SCEL: variants seen among roughly 807,000 people sequenced by gnomAD.
The protein encoded by SCEL is sciellin.
Under a neutral mutation model 117.6 loss-of-function variants are expected in SCEL, and 113 were observed. That is an observed-to-expected ratio of 0.96 (90% CI 0.83 to 1.12). The LOEUF (loss-of-function observed/expected upper bound fraction) is 1.12. Ranked by LOEUF, SCEL falls within the 50% of genes most tolerant of loss-of-function variation. The pLI is 0.00. For missense variants in SCEL, 785 were observed against 810.8 expected, an observed-to-expected ratio of 0.97 and a Z score of 0.39; for synonymous variants, 270 against 256.2, an observed-to-expected ratio of 1.05 and a Z score of -0.51.
Position 77,563,828 on chromosome 13 carries a change from C to T in SCEL, c.222-3C>T, listed in dbSNP as rs547327136. 45 of 1,566,292 alleles carry T rather than the reference C, an allele frequency of 2.9e-5. 2 individuals are homozygous for T. The Middle Eastern group carries it at 8.5e-4, about 30-fold the overall frequency. On this transcript the variant is annotated splice_region_variant and splice_polypyrimidine_tract_variant and intron_variant, in intron 4 of 32. Coordinates refer to ENST00000349847, the MANE Select transcript of SCEL (RefSeq NM_144777.3). ...TTTTTTTTGGTAATTATGTTTGCTA[C>T]AGGAAAGTAAATGAGAGAGATGTGC...
At chr13:77,538,301 T>C (rs1747585433) in intron 1 of SCEL, among the ~76,000 whole-genome samples, 1 of 151,980 alleles carries the variant, frequency 6.6e-6, no homozygotes, top group Admixed American at 6.6e-5. Context: ...ATTTTTAGTA[T>C]AGACGGGGTT....
chr13:77,549,944 G>A (rs111468100), intron 1 of SCEL, among the ~76,000 whole-genome samples: 9 of 151,786 alleles, frequency 5.9e-5, no homozygotes, highest in African/African-American at 1.2e-4. Context: ...TGGCAAAACC[G>A]CACGGGCCAT....
rs986640970 is a variant in SCEL, at chr13:77,625,420, G to A, written c.1629-2527G>A. On this transcript the variant is annotated intron_variant, in intron 27 of 32. Coordinates refer to ENST00000349847, the MANE Select transcript of SCEL (RefSeq NM_144777.3). ...GCAGGATTTATGCTGGGAGATTATC[G>A]TACTCAGTTCTTGCAGTTATGTAGA... 4.6e-5 allele frequency among the ~76,000 whole-genome samples: 7 copies of A among 152,188 alleles called. No individual in the cohort carries two copies. In the South Asian group the frequency reaches 6.2e-4, roughly 14 times the overall value.
At chr13:77,560,077 C>T (rs2084889516) in intron 4 of SCEL, among the ~76,000 whole-genome samples, 1 of 152,110 alleles carries the variant, frequency 6.6e-6, no homozygotes, top group Non-Finnish European at 1.5e-5. Flanking sequence ...ATAACCAACC[C>T]TCTGTGCATC....
At chr13:77,640,825 C>T (rs1225953884) in intron 31 of SCEL, 41 bp downstream of exon 31, 2 of 1,017,898 alleles carry the variant, frequency 2.0e-6, no homozygotes, top group African/African-American at 1.7e-5. Context: ...TAAAAAATTG[C>T]ATAATAACTG....
intron 12 of SCEL, among the ~76,000 whole-genome samples, chr13:77,596,614 A>G (rs1173815376): frequency 6.6e-6 from 1 of 152,112 alleles, no homozygotes; most frequent in Non-Finnish European, 1.5e-5. Context: ...TGTCCTTAAC[A>G]AGGAAACTTG....
At chr13:77,623,115 T>C (rs1451554060) in intron 27 of SCEL, among the ~76,000 whole-genome samples, 1 of 152,238 alleles carries the variant, frequency 6.6e-6, no homozygotes, top group Non-Finnish European at 1.5e-5. Flanking sequence ...TGACTCACAG[T>C]TCTTCATCTT....
At chr13:77,569,336 G>C (rs779387115) in intron 7 of SCEL, 35 bp from the exon 8 acceptor site, 1 of 1,539,812 alleles carries the variant, frequency 6.5e-7, no homozygotes, top group Admixed American at 1.7e-5. Context: ...AAAAGTTTGA[G>C]AGTGGGATTA....
intron 28 of SCEL, among the ~76,000 whole-genome samples, chr13:77,628,960 A>G (rs951435656): frequency 3.3e-5 from 5 of 152,180 alleles, no homozygotes; most frequent in African/African-American, 7.2e-5. Context: ...CACATGTACT[A>G]TTTTGGGAAT....
chr13:77,586,767 A>G (rs553402357), intron 9 of SCEL, among the ~76,000 whole-genome samples: 1 of 152,136 alleles, frequency 6.6e-6, no homozygotes, highest in Non-Finnish European at 1.5e-5. Flanking sequence ...CAGCATTTGG[A>G]GGGTTTATGC....
At chr13:77,609,165 A>G in intron 21 of SCEL, 48 bp downstream of exon 21, 4 of 1,374,346 alleles carry the variant, frequency 2.9e-6, no homozygotes, top group Non-Finnish European at 4.0e-6. Flanking sequence ...ACCAATGCCT[A>G]AAAGTATAAT....
chr13:77,604,401 TA>T lies in SCEL; in HGVS notation c.1148del (p.Asn383IlefsTer14). On this transcript the variant is annotated frameshift_variant, in exon 19 of 33. Transcript: ENST00000349847. LOFTEE classifies it high-confidence loss of function. ...TTATTAAAGTGGATCCTGAAACAAA[TA>T]AAAATATTACGAGGTAAGACATTTA... The part of the protein sequence containing the change: ...GLIKVDPETN[K>X]NITRGQSLDN... The T allele has an allele frequency of 6.3e-7, 1 of 1,577,448 alleles. No individual in the cohort carries two copies. The highest frequency in any genetic ancestry group is 8.5e-7 in the Non-Finnish European group (1 of 1,170,552).
chr13:77,555,986 A>C, intron 2 of SCEL, 68 bp downstream of exon 2: 84 of 1,121,388 alleles, frequency 7.5e-5, no homozygotes, highest in Non-Finnish European at 1.0e-4. Flanking sequence ...CACAGATCTC[A>C]ATTCTTTAAT....
chr13:77,619,020 T>C (rs2089257964), intron 27 of SCEL, among the ~76,000 whole-genome samples: 1 of 152,226 alleles, frequency 6.6e-6, no homozygotes, highest in Admixed American at 6.5e-5. Flanking sequence ...AAGTAATAGA[T>C]AATGCAAAAG....
At chr13:77,558,714 G>T (rs1273066470) in intron 3 of SCEL, among the ~76,000 whole-genome samples, 1 of 151,226 alleles carries the variant, frequency 6.6e-6, no homozygotes, top group Non-Finnish European at 1.5e-5. Flanking sequence ...TACTCAGGAG[G>T]CTGAGACAGG....
rs1188460120 is a variant in SCEL at position 77,644,904 on chromosome 13, G to T, written c.*630G>T. 1.3e-5 allele frequency: 2 copies of T among 152,126 alleles called. No individual in the cohort carries two copies. The highest frequency in any genetic ancestry group is 2.9e-5 in the Non-Finnish European group (2 of 68,070). 9.4% of individuals were successfully genotyped at this position (152,126 alleles called of 1,614,324 possible). Reference sequence around the variant, plus strand: ...TCTAAAGCAGTTTTTAGAATCATTAGCTCTTTGGAAACATATATGCATACA... The same window carrying T: ...TCTAAAGCAGTTTTTAGAATCATTATCTCTTTGGAAACATATATGCATACA... On this transcript the variant is annotated 3_prime_UTR_variant, in exon 33 of 33. Coordinates refer to ENST00000349847, the MANE Select transcript of SCEL (RefSeq NM_144777.3).
Position 77,617,869 on chromosome 13 carries a change from A to G in SCEL, c.1571+7A>G. On this transcript the variant is annotated splice_region_variant and intron_variant, in intron 26 of 32. Transcript: ENST00000349847. ...TAATCAGAAACAATCAGAGGTATAT[A>G]TAGAAGCAGTCAATTCATGTTTTTA... 1 of 1,604,592 alleles carries G rather than the reference A, an allele frequency of 6.2e-7. No homozygotes were observed. Among genetic ancestry groups the G allele is most frequent in the East Asian group, 2.2e-5 (1 of 44,812 alleles).
At chr13:77,640,983 C>T (rs147409641) in intron 31 of SCEL, among the ~76,000 whole-genome samples, 199 bp downstream of exon 31, 2 of 152,176 alleles carry the variant, frequency 1.3e-5, no homozygotes, top group African/African-American at 4.8e-5. Flanking sequence ...TGGCTTTAGG[C>T]TTACAGTTGA....
chr13:77,630,941 T>C (rs1309590381), intron 28 of SCEL, among the ~76,000 whole-genome samples: 1 of 152,216 alleles, frequency 6.6e-6, no homozygotes, highest in Non-Finnish European at 1.5e-5. Context: ...TTGAGAGGAA[T>C]AATTTGGCAG....
Sources: allele counts gnomAD v4.1 joint callset (sites outside exome capture counted in the v4.1 genomes callset), GRCh38; gene constraint gnomAD v4.1.1; transcripts MANE v1.5; gene names NCBI Gene and HGNC (gene_info 2026-07-23, HGNC 2026-07-21).